Variants in MXI1 observed in about 807,000 individuals in gnomAD.
The protein encoded by MXI1 is max-interacting protein 1.
Under a neutral mutation model 36.9 loss-of-function variants are expected in MXI1, and 18 were observed. The ratio of observed to expected loss-of-function variants is 0.49; its 90% CI spans 0.34 to 0.72. The LOEUF (loss-of-function observed/expected upper bound fraction) is 0.72, where lower values mean the gene tolerates loss of function less well. MXI1 is among the 30% of genes least tolerant of loss of function. The probability of loss-of-function intolerance (pLI) is 0.01; values close to 1 mark genes in which losing one functional copy is unlikely to be tolerated. For missense variants in MXI1, 304 were observed against 379.1 expected (o/e 0.80, Z 1.64); for synonymous variants, 160 against 146.7 (o/e 1.09, Z -0.65).
chr10:110,287,142 T>C lies in MXI1; in HGVS notation c.*2155T>C, dbSNP rs1042981436. The C allele has an allele frequency of 5.3e-5, 8 of 152,224 alleles. No homozygotes were observed. The highest frequency in any genetic ancestry group is 1.7e-4 in the African/African-American group (7 of 41,466). 9.4% of individuals were successfully genotyped at this position (152,224 alleles called of 1,614,324 possible). A position where few individuals can be genotyped will look rare whatever the true frequency, so the allele number is the denominator to read the frequency against. On this transcript the variant is annotated 3_prime_UTR_variant, in exon 6 of 6. Transcript: ENST00000332674. ...TATTTGGGCCTTCATTCAGATGAACTTGAGGTGCCATTTTGTTGCATATGT... is the reference window on the plus strand; with the variant it reads ...TATTTGGGCCTTCATTCAGATGAACCTGAGGTGCCATTTTGTTGCATATGT...
chr10:110,235,330 C>G (rs1469475226), intron 2 of MXI1, among the ~76,000 whole-genome samples: 1 of 152,100 alleles, frequency 6.6e-6, no homozygotes, highest in Non-Finnish European at 1.5e-5. Flanking sequence ...ATATTTTACT[C>G]TCATCTCTGA....
chr10:110,273,258 A>T (rs1856918543), intron 3 of MXI1, among the ~76,000 whole-genome samples: 1 of 151,844 alleles, frequency 6.6e-6, no homozygotes, highest in South Asian at 2.1e-4. Flanking sequence ...CGTGTTAGCC[A>T]CAATGGTCTC....
chr10:110,284,134 G>T (rs958320353), intron 5 of MXI1, among the ~76,000 whole-genome samples: 6 of 142,768 alleles, frequency 4.2e-5, no homozygotes, highest in Non-Finnish European at 6.2e-5. Context: ...TATTTGTGGT[G>T]TTTTTTTTTT....
intron 3 of MXI1, among the ~76,000 whole-genome samples, chr10:110,274,872 A>ATTTTTTTTTTTTTTTTTTTTTTTT (rs66570053): frequency 1.8e-5 from 2 of 110,002 alleles, no homozygotes; most frequent in Non-Finnish European, 3.6e-5. Context: ...GTGAATAAGG[A>ATTTTTTTTTTTTTTTTTTTTTTTT]TTTTTTTTTT....
At chr10:110,219,932 C>A (rs1049259478) in intron 1 of MXI1, among the ~76,000 whole-genome samples, 5 of 152,200 alleles carry the variant, frequency 3.3e-5, no homozygotes. Flanking sequence ...TGGAATATGG[C>A]AGGATTTAAC....
chr10:110,240,022 C>G (rs952979619), intron 2 of MXI1, among the ~76,000 whole-genome samples: 11 of 151,332 alleles, frequency 7.3e-5, no homozygotes, highest in East Asian at 5.8e-4. Flanking sequence ...GTAGTGTGTA[C>G]TTTTTGTGTG....
chr10:110,227,983 G>C, intron 1 of MXI1: 2 of 572,232 alleles, frequency 3.5e-6, no homozygotes. Context: ...GTTTAGAGGA[G>C]GTATCAAAAC....
intron 3 of MXI1, among the ~76,000 whole-genome samples, chr10:110,273,428 T>G (rs1372993831): frequency 6.6e-6 from 1 of 152,228 alleles, no homozygotes; most frequent in Non-Finnish European, 1.5e-5. Context: ...ATAAAACTCA[T>G]GAACCACAAT....
At chr10:110,267,643 T>G (rs1296990246) in intron 3 of MXI1, among the ~76,000 whole-genome samples, 1 of 152,206 alleles carries the variant, frequency 6.6e-6, no homozygotes, top group Non-Finnish European at 1.5e-5. Context: ...TTAAAACATT[T>G]GTAAACATAA....
At chr10:110,226,235 G>T (rs1336748475) in intron 1 of MXI1, 36 of 1,498,782 alleles carry the variant, frequency 2.4e-5, no homozygotes, top group Admixed American at 6.3e-5. Context: ...GATGATCAAC[G>T]TGCAGCGTCT....
chr10:110,251,010 TAAA>T (rs60315131), intron 3 of MXI1, among the ~76,000 whole-genome samples: 1 of 54,960 alleles, frequency 1.8e-5, no homozygotes, highest in African/African-American at 1.0e-4. Flanking sequence ...AAGTATTTGT[TAAA>T]AAAAAAAAAA....
intron 3 of MXI1, among the ~76,000 whole-genome samples, chr10:110,249,176 G>A (rs1270223580): frequency 6.6e-6 from 1 of 152,118 alleles, no homozygotes; most frequent in Non-Finnish European, 1.5e-5. Flanking sequence ...CTGCCTTTGA[G>A]TGTGATGTTA....
At chr10:110,224,635 CTTTTT>C (rs34948360) in intron 1 of MXI1, among the ~76,000 whole-genome samples, 3 of 126,426 alleles carry the variant, frequency 2.4e-5, no homozygotes, top group Admixed American at 8.0e-5. Flanking sequence ...CAGTCAGTGG[CTTTTT>C]TTTTTTTTTT....
chr10:110,247,738 CT>C (rs1156442723), intron 3 of MXI1, among the ~76,000 whole-genome samples: 2 of 152,176 alleles, frequency 1.3e-5, no homozygotes, highest in Non-Finnish European at 2.9e-5. Flanking sequence ...CCCTTTTACA[CT>C]GTTGGTGGGA....
At chr10:110,236,031 C>A (rs1855455923) in intron 2 of MXI1, among the ~76,000 whole-genome samples, 1 of 144,124 alleles carries the variant, frequency 6.9e-6, no homozygotes, top group Non-Finnish European at 1.5e-5. Context: ...TCTCTATTTT[C>A]TTCTAGCAGT....
At chr10:110,237,045 A>G (rs1855500647) in intron 2 of MXI1, among the ~76,000 whole-genome samples, 1 of 152,352 alleles carries the variant, frequency 6.6e-6, no homozygotes, top group African/African-American at 2.4e-5. Flanking sequence ...TTAAATAGCA[A>G]TTAAATTTGG....
At chr10:110,269,016 T>G (rs1307885375) in intron 3 of MXI1, among the ~76,000 whole-genome samples, 2 of 152,172 alleles carry the variant, frequency 1.3e-5, no homozygotes, top group Non-Finnish European at 2.9e-5. Context: ...ACTGCAAATT[T>G]TATCTCCTCC....
intron 1 of MXI1, among the ~76,000 whole-genome samples, chr10:110,221,696 G>A (rs550587055): frequency 6.6e-6 from 1 of 152,344 alleles, no homozygotes; most frequent in East Asian, 1.9e-4. Flanking sequence ...TGGAAGTCAA[G>A]TGCAGCTGTT....
intron 1 of MXI1, among the ~76,000 whole-genome samples, chr10:110,216,578 C>T (rs1402030244): frequency 6.6e-6 from 1 of 151,084 alleles, no homozygotes; most frequent in African/African-American, 2.4e-5. Context: ...TTGGTTCTAG[C>T]TATCATTATA....
Sources: allele counts gnomAD v4.1 joint callset (sites outside exome capture counted in the v4.1 genomes callset), GRCh38; gene constraint gnomAD v4.1.1; transcripts MANE v1.5; gene names NCBI Gene and HGNC (gene_info 2026-07-23, HGNC 2026-07-21).